The following TLL1 variants were observed in gnomAD, a reference collection of about 807,000 sequenced individuals.
The protein encoded by TLL1 is tolloid like 1.
In TLL1, 49 loss-of-function variants were observed where a neutral mutation model predicts 128.2. The ratio of observed to expected loss-of-function variants is 0.38; its 90% CI spans 0.30 to 0.48. The LOEUF (loss-of-function observed/expected upper bound fraction) is 0.48. Ranked by LOEUF, TLL1 falls within the 20% of genes least tolerant of loss-of-function variation. The pLI, the probability that TLL1 is intolerant of heterozygous loss-of-function variation, is 0.96. For synonymous variants in TLL1, 454 were observed against 418.8 expected, an observed-to-expected ratio of 1.08 and a Z score of -1.03; for missense variants, 1,123 against 1,242.0, an observed-to-expected ratio of 0.90 and a Z score of 1.44.
At chr4:166,014,691 A>T in intron 8 of TLL1, 131 bp downstream of exon 8, 7 of 1,392,446 alleles carry the variant, frequency 5.0e-6, no homozygotes, top group Non-Finnish European at 7.0e-6. Context: ...GTTCAAAGTC[A>T]GTAATCATAA....
At chr4:165,976,912 TG>T (rs1436238500) in intron 1 of TLL1, among the ~76,000 whole-genome samples, 1 of 152,214 alleles carries the variant, frequency 6.6e-6, no homozygotes, top group East Asian at 1.9e-4. Flanking sequence ...GCGGTTTTTT[TG>T]TATTTTTCTT....
At chr4:165,991,409 A>G (rs1356222764) in intron 2 of TLL1, among the ~76,000 whole-genome samples, 1 of 152,056 alleles carries the variant, frequency 6.6e-6, no homozygotes, top group Non-Finnish European at 1.5e-5. Flanking sequence ...CATTTCAAAC[A>G]TCATTGATGC....
intron 1 of TLL1, among the ~76,000 whole-genome samples, chr4:165,981,416 G>T (rs1021059624): frequency 2.6e-5 from 4 of 152,004 alleles, no homozygotes; most frequent in Admixed American, 6.6e-5. Context: ...TTGAGTCCAA[G>T]ATTTACAGAG....
At chr4:165,994,324 A>C (rs748249268) in intron 3 of TLL1, 57 bp from the exon 4 acceptor site, 33 of 1,607,384 alleles carry the variant, frequency 2.1e-5, no homozygotes, top group Non-Finnish European at 2.8e-5. Context: ...TTTAAGAGGT[A>C]AATGATTCCC....
At chr4:166,064,455 G>A (rs759087686) in intron 15 of TLL1, among the ~76,000 whole-genome samples, 1 of 152,062 alleles carries the variant, frequency 6.6e-6, no homozygotes, top group Non-Finnish European at 1.5e-5. Flanking sequence ...TATTCTCATA[G>A]TCAGGGTCAC....
At chr4:165,874,109 G>A (rs1730616708) in intron 1 of TLL1, 36 bp downstream of exon 1, 3 of 1,610,820 alleles carry the variant, frequency 1.9e-6, no homozygotes, top group Admixed American at 1.7e-5. Flanking sequence ...GTGGCGCGCC[G>A]GGGGCCGCTG....
chr4:166,045,140 C>G (rs969851056), intron 12 of TLL1, among the ~76,000 whole-genome samples: 10 of 152,098 alleles, frequency 6.6e-5, no homozygotes, highest in African/African-American at 2.2e-4. Context: ...CATAGAATGG[C>G]TGAGAGTACA....
At chr4:165,921,947 C>T (rs978052950) in intron 1 of TLL1, among the ~76,000 whole-genome samples, 7 of 129,440 alleles carry the variant, frequency 5.4e-5, no homozygotes, top group Non-Finnish European at 9.7e-5. Context: ...AGAAGAAATA[C>T]AGAGAAACCT....
At chr4:166,072,924 G>A (rs1407174690) in intron 16 of TLL1, among the ~76,000 whole-genome samples, 2 of 150,434 alleles carry the variant, frequency 1.3e-5, no homozygotes. Context: ...TCTCTAAGCT[G>A]CTTTGCATAC....
intron 9 of TLL1, chr4:166,030,586 A>G (rs1738722948): frequency 1.8e-6 from 1 of 555,858 alleles, no homozygotes. Flanking sequence ...GGCCATATGT[A>G]ATGACATGAA....
chr4:165,893,896 C>G (rs1038511899), intron 1 of TLL1, among the ~76,000 whole-genome samples: 1 of 152,110 alleles, frequency 6.6e-6, no homozygotes, highest in African/African-American at 2.4e-5. Context: ...TAGGATAAAA[C>G]TCAAAAAGAC....
At chr4:165,957,852 T>TCCCTCCC (rs1170228699) in intron 1 of TLL1, among the ~76,000 whole-genome samples, 1 of 106,768 alleles carries the variant, frequency 9.4e-6, no homozygotes, top group East Asian at 3.3e-4. Context: ...CCTAATGCTA[T>TCCCTCCC]CCCTCCCCCC....
intron 1 of TLL1, among the ~76,000 whole-genome samples, chr4:165,914,425 T>C (rs1385170152): frequency 4.6e-5 from 7 of 152,214 alleles, no homozygotes; most frequent in Non-Finnish European, 7.3e-5. Context: ...ATGTTTAAGC[T>C]AGTTCAGTGT....
At chr4:165,956,870 C>T (rs115764787) in intron 1 of TLL1, among the ~76,000 whole-genome samples, 1,887 of 152,118 alleles carry the variant, frequency 0.012, 39 homozygotes, top group African/African-American at 0.044. Context: ...TGTTTGGGGT[C>T]CCTGACTTCC....
Position 165,969,880 on chromosome 4 carries a change from C to T in TLL1, c.170-19501C>T, listed in dbSNP as rs1323464879. 3.3e-5 allele frequency among the ~76,000 whole-genome samples: 5 copies of T among 152,216 alleles called. 1 individual carries two copies. The highest frequency in any genetic ancestry group is 1.2e-4 in the African/African-American group (5 of 41,560). ...GTATGTATTCTCACTTGGACACATTCTTATCATATCAAGTATATTAGAAGT... is the reference window on the plus strand; with the variant it reads ...GTATGTATTCTCACTTGGACACATTTTTATCATATCAAGTATATTAGAAGT... On this transcript the variant is annotated intron_variant, in intron 1 of 20. Transcript: ENST00000061240.
chr4:165,928,255 A>G (rs914221798), intron 1 of TLL1, among the ~76,000 whole-genome samples: 3 of 152,242 alleles, frequency 2.0e-5, no homozygotes, highest in Non-Finnish European at 4.4e-5. Flanking sequence ...AATGTGCTCT[A>G]AGATTCATAT....
chr4:165,888,639 CA>C (rs1731265869), intron 1 of TLL1, among the ~76,000 whole-genome samples: 1 of 151,828 alleles, frequency 6.6e-6, no homozygotes, highest in Admixed American at 6.6e-5. Flanking sequence ...GTCATAATGT[CA>C]ATTCAGAATG....
At chr4:165,937,392 A>T (rs148544855) in intron 1 of TLL1, among the ~76,000 whole-genome samples, 1 of 152,208 alleles carries the variant, frequency 6.6e-6, no homozygotes, top group African/African-American at 2.4e-5. Flanking sequence ...CCCACATTTC[A>T]CATACACATT....
chr4:165,953,024 C>A (rs1183257690), intron 1 of TLL1, among the ~76,000 whole-genome samples: 1 of 152,010 alleles, frequency 6.6e-6, no homozygotes, highest in Non-Finnish European at 1.5e-5. Flanking sequence ...CAGATGTTTT[C>A]AAACACAAAA....
Sources: gnomAD v4.1 joint callset for allele counts (sites outside exome capture counted in the v4.1 genomes callset) on GRCh38, gnomAD v4.1.1 for gene constraint, MANE v1.5 for transcripts, NCBI Gene and HGNC (gene_info 2026-07-23, HGNC 2026-07-21) for gene names.